USH2A: variants seen among roughly 807,000 people sequenced by gnomAD.
The protein encoded by USH2A is usherin, also known as Usher syndrome 2A (autosomal recessive, mild).
USH2A carries 443 observed loss-of-function variants against 538.9 expected under a neutral mutation model. That is an observed-to-expected ratio of 0.82 (90% CI 0.76 to 0.89). USH2A has a LOEUF of 0.89. Among genes scored for constraint, USH2A ranks in the 40% least tolerant of loss-of-function variants. USH2A has a pLI of 0.00. For missense variants in USH2A, 6,633 were observed against 6,324.8 expected (o/e 1.05, Z -1.65); for synonymous variants, 2,413 against 2,273.5 (o/e 1.06, Z -1.75).
Position 215,817,179 on chromosome 1 carries a change from A to C in USH2A, c.9388T>G (p.Trp3130Gly). Residue 3130 changes from tryptophan (W) to glycine (G), a missense_variant, in exon 48 of 72, where the codon TGG becomes GGG. Coordinates refer to ENST00000307340, the MANE Select transcript of USH2A (RefSeq NM_206933.4). ...CCATTTGGCTTCCGTGGAGACACCC[A>C]ATCAATTTGAAGAGATCTGCAACAG... ...GITSRSLQID[W>G]VSPRKPNGII... 6.2e-7 allele frequency: 1 copy of C among 1,612,212 alleles called. No homozygotes were observed. The highest frequency in any genetic ancestry group is 8.5e-7 in the Non-Finnish European group (1 of 1,178,644).
chr1:215,627,333 C>G (rs754167984), intron 71 of USH2A, among the ~76,000 whole-genome samples: 1 of 151,998 alleles, frequency 6.6e-6, no homozygotes, highest in Non-Finnish European at 1.5e-5. Context: ...AACTTCCTAG[C>G]TGGTTATGTT....
chr1:216,242,537 T>A (rs1345309803), intron 13 of USH2A, among the ~76,000 whole-genome samples: 1 of 151,708 alleles, frequency 6.6e-6, no homozygotes, highest in African/African-American at 2.4e-5. Flanking sequence ...TGAGAAAAAA[T>A]GCAAAAGAGA....
intron 21 of USH2A, among the ~76,000 whole-genome samples, chr1:216,148,873 C>G (rs2102618106): frequency 6.6e-6 from 1 of 151,862 alleles, no homozygotes; most frequent in South Asian, 2.1e-4. Flanking sequence ...ACCCTGACAC[C>G]CATCAAGCTC....
At chr1:216,141,390 C>G (rs2102611409) in intron 21 of USH2A, among the ~76,000 whole-genome samples, 1 of 152,296 alleles carries the variant, frequency 6.6e-6, no homozygotes, top group African/African-American at 2.4e-5. Context: ...TCACAGGAGT[C>G]TACAGAGGCT....
At chr1:215,949,681 A>C (rs1489426156) in intron 37 of USH2A, among the ~76,000 whole-genome samples, 1 of 152,140 alleles carries the variant, frequency 6.6e-6, no homozygotes, top group Non-Finnish European at 1.5e-5. Flanking sequence ...ATATGTTTCA[A>C]CTGTAGACGG....
At chr1:216,350,597 A>G (rs1290157082) in intron 4 of USH2A, among the ~76,000 whole-genome samples, 1 of 152,116 alleles carries the variant, frequency 6.6e-6, no homozygotes, top group African/African-American at 2.4e-5. Context: ...TAGTGCTCCA[A>G]AATAATCTCC....
intron 40 of USH2A, among the ~76,000 whole-genome samples, chr1:215,893,428 G>A (rs112357206): frequency 0.02 from 2,876 of 147,434 alleles, 46 homozygotes; most frequent in Non-Finnish European, 0.026. Flanking sequence ...ATAGTCCACT[G>A]AGAGTTTTCA....
intron 22 of USH2A, among the ~76,000 whole-genome samples, chr1:216,092,616 A>C (rs1558254439): frequency 6.6e-6 from 1 of 152,194 alleles, no homozygotes; most frequent in Non-Finnish European, 1.5e-5. Context: ...TTGTCTAAAA[A>C]TGAGTGGGGC....
At chr1:215,873,737 A>G (rs74590271) in intron 43 of USH2A, among the ~76,000 whole-genome samples, 8,084 of 151,890 alleles carry the variant, frequency 0.053, 345 homozygotes, top group South Asian at 0.15. Context: ...GTTTTAATTT[A>G]AATGTAATAC....
chr1:215,642,936 C>A (rs1656734992), intron 67 of USH2A, among the ~76,000 whole-genome samples: 1 of 152,164 alleles, frequency 6.6e-6, no homozygotes, highest in Admixed American at 6.5e-5. Flanking sequence ...CTTCTCCAGA[C>A]CCGTTGCTGA....
At chr1:215,970,996 A>G (rs546802133) in intron 35 of USH2A, among the ~76,000 whole-genome samples, 1 of 152,314 alleles carries the variant, frequency 6.6e-6, no homozygotes, top group South Asian at 2.1e-4. Context: ...AGACAGAAAT[A>G]GAACCCAACA....
At chr1:215,760,650 A>G (rs1310018796) in intron 56 of USH2A, among the ~76,000 whole-genome samples, 3 of 152,154 alleles carry the variant, frequency 2.0e-5, no homozygotes, top group Non-Finnish European at 4.4e-5. Flanking sequence ...GTACCTCCCA[A>G]TCTTGTCCAT....
In USH2A at chr1:216,073,266, T is replaced by C. The variant is rs779171771; in HGVS notation, c.5607A>G (p.Thr1869=). 20 of 1,613,674 alleles carry C rather than the reference T, an allele frequency of 1.2e-5. No homozygotes were observed. The Admixed American group carries it at 2.3e-4, about 19-fold the overall frequency. ...FGGCMKDVKF[T]RGAVVNLASV... The stretch of plus-strand genomic sequence containing the variant: ...ATGCCAAGTTAACGACAGCACCCCG[T>C]GTAAATTTAACATCCTTCATGCAAC... Residue 1869 remains threonine (T), a synonymous_variant, in exon 28 of 72, where the codon ACA becomes ACG. Coordinates refer to ENST00000307340, the MANE Select transcript of USH2A (RefSeq NM_206933.4).
At chr1:216,364,185 G>T (rs1468568328) in intron 4 of USH2A, among the ~76,000 whole-genome samples, 1 of 151,246 alleles carries the variant, frequency 6.6e-6, no homozygotes, top group African/African-American at 2.4e-5. Context: ...AAACTATATG[G>T]CCCATTTTTA....
At chr1:215,783,440 G>C (rs1002431816) in intron 52 of USH2A, among the ~76,000 whole-genome samples, 1 of 152,082 alleles carries the variant, frequency 6.6e-6, no homozygotes, top group East Asian at 1.9e-4. Context: ...CCATGTTAGT[G>C]AATAAAAATG....
At chr1:215,831,037 C>G (rs1571727845) in intron 47 of USH2A, among the ~76,000 whole-genome samples, 1 of 152,240 alleles carries the variant, frequency 6.6e-6, no homozygotes, top group East Asian at 1.9e-4. Context: ...CCCAGAATTA[C>G]ACTAAGCAAT....
intron 64 of USH2A, among the ~76,000 whole-genome samples, chr1:215,664,126 T>C (rs1657531058): frequency 6.6e-6 from 1 of 152,222 alleles, no homozygotes; most frequent in African/African-American, 2.4e-5. Flanking sequence ...AATTCCCTTC[T>C]GTTTAACTTA....
At chr1:216,125,652 T>C (rs970410813) in intron 21 of USH2A, among the ~76,000 whole-genome samples, 3 of 152,208 alleles carry the variant, frequency 2.0e-5, no homozygotes, top group African/African-American at 7.2e-5. Flanking sequence ...TTTTTATCAG[T>C]ATTTTTTTAG....
intron 3 of USH2A, among the ~76,000 whole-genome samples, chr1:216,378,278 T>C (rs1036489332): frequency 6.6e-6 from 1 of 152,146 alleles, no homozygotes; most frequent in Non-Finnish European, 1.5e-5. Flanking sequence ...TAACGCTCAT[T>C]TTCTGTCACA....
Sources: gnomAD v4.1 joint callset for allele counts (sites outside exome capture counted in the v4.1 genomes callset) on GRCh38, gnomAD v4.1.1 for gene constraint, MANE v1.5 for transcripts, NCBI Gene and HGNC (gene_info 2026-07-23, HGNC 2026-07-21) for gene names.